LTBP1: variants seen among roughly 807,000 people sequenced by gnomAD.
LTBP1 encodes the protein latent transforming growth factor beta binding protein 1.
A neutral mutation model predicts 207.6 loss-of-function variants in LTBP1; 129 were observed. The observed-to-expected ratio is 0.62, with a 90% CI of 0.54 to 0.72. LTBP1 has a LOEUF of 0.72. Among genes scored for constraint, LTBP1 ranks in the 30% least tolerant of loss-of-function variants. The probability of loss-of-function intolerance (pLI) is 0.00; values close to 1 mark genes in which losing one functional copy is unlikely to be tolerated. For synonymous variants in LTBP1, 963 were observed against 833.7 expected (o/e 1.16, Z -2.67); for missense variants, 2,281 against 2,217.2 (o/e 1.03, Z -0.58).
chr2:33,347,670 G>A (rs574329383), intron 26 of LTBP1, among the ~76,000 whole-genome samples, 160 bp downstream of exon 26: 2 of 152,206 alleles, frequency 1.3e-5, no homozygotes, highest in African/African-American at 4.8e-5. Flanking sequence ...TGCCTGCCTT[G>A]TCAGTGGAAT....
chr2:33,388,117 TAGACAAG>T (rs1243075001), intron 31 of LTBP1, among the ~76,000 whole-genome samples: 1 of 152,172 alleles, frequency 6.6e-6, no homozygotes, highest in African/African-American at 2.4e-5. Flanking sequence ...TTCTTAAATG[TAGACAAG>T]AGCCTGGGAT....
At chr2:33,179,195 G>C (rs868813860) in intron 5 of LTBP1, among the ~76,000 whole-genome samples, 2 of 149,786 alleles carry the variant, frequency 1.3e-5, no homozygotes, top group Middle Eastern at 3.4e-3. Context: ...AGATCTTTCT[G>C]TGATTTTTTT....
rs531359419 is a variant in LTBP1, at chr2:33,006,501, G to T, written c.566-14408G>T. On this transcript the variant is annotated intron_variant, in intron 2 of 33. Coordinates refer to ENST00000404816, the MANE Select transcript of LTBP1 (RefSeq NM_206943.4). ...CGGTTCAAGTGATTCTCCTGCTTCA[G>T]CCTCCCAAGTAGCTGGGAGTACAGG... 1.3e-4 allele frequency among the ~76,000 whole-genome samples: 19 copies of T among 149,404 alleles called. No homozygotes were observed. The South Asian group carries it at 3.6e-3, about 28-fold the overall frequency.
intron 2 of LTBP1, among the ~76,000 whole-genome samples, chr2:32,979,416 T>A (rs1043616245): frequency 2.6e-5 from 4 of 152,086 alleles, no homozygotes; most frequent in South Asian, 2.1e-4. Flanking sequence ...TTCAATAATT[T>A]AAAAAAATTC....
intron 11 of LTBP1, 43 bp from the exon 12 acceptor site, chr2:33,257,241 C>T: frequency 6.8e-7 from 1 of 1,465,158 alleles, no homozygotes; most frequent in Non-Finnish European, 9.6e-7. Flanking sequence ...TAAGTTTGCA[C>T]TGTTAGATTT....
intron 7 of LTBP1, among the ~76,000 whole-genome samples, chr2:33,201,817 A>T (rs963789246): frequency 1.3e-5 from 2 of 152,208 alleles, no homozygotes; most frequent in African/African-American, 4.8e-5. Context: ...TATAAATAAT[A>T]AGCCTTAGGG....
chr2:33,391,675 C>G (rs1172298072), intron 32 of LTBP1, among the ~76,000 whole-genome samples: 1 of 152,180 alleles, frequency 6.6e-6, no homozygotes, highest in African/African-American at 2.4e-5. Flanking sequence ...ATCCCAGGCA[C>G]TGATGGGTCC....
At chr2:33,263,431 A>C (rs1402446626) in intron 15 of LTBP1, 39 bp downstream of exon 15, 1 of 1,449,480 alleles carries the variant, frequency 6.9e-7, no homozygotes. Flanking sequence ...CACATGGAGG[A>C]GACGTGGGGC....
chr2:33,363,735 A>C (rs1472029245), intron 29 of LTBP1, among the ~76,000 whole-genome samples: 1 of 152,238 alleles, frequency 6.6e-6, no homozygotes, highest in Non-Finnish European at 1.5e-5. Context: ...ACAAAGAGTT[A>C]ATATTCACTG....
intron 15 of LTBP1, among the ~76,000 whole-genome samples, chr2:33,269,324 T>G (rs1165789882): frequency 6.6e-6 from 1 of 152,200 alleles, no homozygotes; most frequent in Non-Finnish European, 1.5e-5. Flanking sequence ...GTCATGGCCC[T>G]TTTTCCATAT....
intron 2 of LTBP1, among the ~76,000 whole-genome samples, chr2:33,004,661 G>C (rs1249312053): frequency 6.6e-6 from 1 of 150,716 alleles, no homozygotes; most frequent in East Asian, 1.9e-4. Flanking sequence ...TGTAATCCCA[G>C]CTACTCAGGA....
At chr2:33,002,819 A>T (rs746228759) in intron 2 of LTBP1, among the ~76,000 whole-genome samples, 1 of 152,104 alleles carries the variant, frequency 6.6e-6, no homozygotes, top group African/African-American at 2.4e-5. Context: ...CTGGGACTAC[A>T]GGTTCATGCC....
At chr2:33,087,084 C>CTTTTGTTTTTTTTTTTTT (rs2078804296) in intron 3 of LTBP1, among the ~76,000 whole-genome samples, 1 of 89,026 alleles carries the variant, frequency 1.1e-5, no homozygotes, top group Non-Finnish European at 2.1e-5. Flanking sequence ...CTCCTTTATG[C>CTTTTGTTTTTTTTTTTTT]TTTTTTTTTT....
At chr2:33,301,685 A>G in intron 22 of LTBP1, 41 bp downstream of exon 22, 1 of 1,516,418 alleles carries the variant, frequency 6.6e-7, no homozygotes, top group Non-Finnish European at 8.8e-7. Context: ...AAATGCCCAG[A>G]TCGGAGGGAA....
At chr2:33,170,663 T>C (rs2085349200) in intron 5 of LTBP1, among the ~76,000 whole-genome samples, 2 of 152,196 alleles carry the variant, frequency 1.3e-5, no homozygotes, top group South Asian at 4.1e-4. Flanking sequence ...GCAGTGGTTC[T>C]CCCAGCATGC....
At chr2:32,992,682 A>T (rs113823264) in intron 2 of LTBP1, among the ~76,000 whole-genome samples, 49 of 152,312 alleles carry the variant, frequency 3.2e-4, no homozygotes, top group African/African-American at 1.1e-3. Context: ...TAAGGATTCC[A>T]GGACATGTAA....
Position 33,300,592 on chromosome 2 carries a change from G to A in LTBP1, c.3358+19G>A. Reference sequence around the variant, plus strand: ...TGTGAAGGTAAGAGGGTAGTAACATGAACTACTGAAACTTCAGCTTAAAGC... The same window carrying A: ...TGTGAAGGTAAGAGGGTAGTAACATAAACTACTGAAACTTCAGCTTAAAGC... On this transcript the variant is annotated intron_variant, in intron 21 of 33. Coordinates refer to ENST00000404816, the MANE Select transcript of LTBP1 (RefSeq NM_206943.4). The A allele has an allele frequency of 6.2e-7, 1 of 1,605,842 alleles. No individual in the cohort carries two copies. Among genetic ancestry groups the A allele is most frequent in the Non-Finnish European group, 8.5e-7 (1 of 1,174,784 alleles).
chr2:33,277,815 T>TCTTTCTCTCTCTCTC (rs1558933866), intron 18 of LTBP1, among the ~76,000 whole-genome samples: 3 of 86,022 alleles, frequency 3.5e-5, no homozygotes, highest in Non-Finnish European at 7.3e-5. Context: ...CTTTCTTTTT[T>TCTTTCTCTCTCTCTC]TCTTTCTTTC....
intron 6 of LTBP1, among the ~76,000 whole-genome samples, chr2:33,188,112 C>G (rs1446563996): frequency 6.6e-6 from 1 of 151,986 alleles, no homozygotes; most frequent in Non-Finnish European, 1.5e-5. Context: ...TTTTATTTTG[C>G]CTGTGCCCTT....
Sources: allele counts gnomAD v4.1 joint callset (sites outside exome capture counted in the v4.1 genomes callset), GRCh38; gene constraint gnomAD v4.1.1; transcripts MANE v1.5; gene names NCBI Gene and HGNC (gene_info 2026-07-23, HGNC 2026-07-21).